NEB: variants seen among roughly 807,000 people sequenced by gnomAD.
NEB encodes nebulin.
A neutral mutation model predicts 952.2 loss-of-function variants in NEB; 512 were observed. The ratio of observed to expected loss-of-function variants is 0.54; its 90% CI spans 0.50 to 0.58. The LOEUF (loss-of-function observed/expected upper bound fraction) is 0.58, where lower values mean the gene tolerates loss of function less well. NEB is among the 20% of genes least tolerant of loss of function. The pLI is 0.00. For missense variants in NEB, 8,428 were observed against 9,231.1 expected (o/e 0.91, Z 3.56); for synonymous variants, 2,900 against 3,149.8 (o/e 0.92, Z 2.66).
chr2:151,639,759 C>T (rs2098824705), intron 62 of NEB, 98 bp downstream of exon 62: 4 of 1,066,938 alleles, frequency 3.7e-6, no homozygotes, highest in Admixed American at 4.9e-5. Flanking sequence ...AGATAGATGC[C>T]TTTTATTACT....
At chr2:151,490,667 A>T in intron 179 of NEB, 149 bp from the exon 180 acceptor site, 1 of 981,986 alleles carries the variant, frequency 1.0e-6, no homozygotes, top group Non-Finnish European at 1.5e-6. Context: ...AGTTATTCTG[A>T]TGTAGGTTTG....
At chr2:151,695,281 T>C (rs2099587831) in intron 18 of NEB, among the ~76,000 whole-genome samples, 2 of 152,150 alleles carry the variant, frequency 1.3e-5, no homozygotes, top group African/African-American at 4.8e-5. Context: ...AATATATGGC[T>C]AAAAGATCTA....
intron 54 of NEB, among the ~76,000 whole-genome samples, chr2:151,649,679 G>A (rs1261092896): frequency 1.3e-5 from 2 of 152,166 alleles, no homozygotes; most frequent in East Asian, 3.8e-4. Flanking sequence ...AGATACTGGT[G>A]TCAGAGCTGG....
At chr2:151,680,878 T>C (rs2099409225) in intron 29 of NEB, 50 bp from the exon 30 acceptor site, 1 of 1,360,916 alleles carries the variant, frequency 7.3e-7, no homozygotes, top group African/African-American at 1.4e-5. Context: ...CCACTGAAGA[T>C]TAATACGTCA....
Position 151,513,563 on chromosome 2 carries a change from C to T in NEB, c.23241+17G>A, listed in dbSNP as rs1264643479. The T allele has an allele frequency of 3.9e-6, 6 of 1,552,722 alleles. No individual in the cohort carries two copies. The highest frequency in any genetic ancestry group is 4.4e-6 in the Non-Finnish European group (5 of 1,135,194). On this transcript the variant is annotated intron_variant, in intron 160 of 181. Coordinates refer to ENST00000397345, the MANE Select transcript of NEB (RefSeq NM_001164508.2). The stretch of plus-strand genomic sequence containing the variant: ...AACTACTTTCCTGAAAGATTGACAT[C>T]GAATAGTAGCACTGACCTGACTGGC...
At chr2:151,675,417 T>C in intron 34 of NEB, 26 bp from the exon 35 acceptor site, 4 of 1,421,644 alleles carry the variant, frequency 2.8e-6, no homozygotes, top group Non-Finnish European at 2.9e-6. Context: ...TTTCACATAG[T>C]GCAAAAAGGA....
intron 53 of NEB, 42 bp from the exon 54 acceptor site, chr2:151,650,421 C>A: frequency 6.3e-7 from 1 of 1,582,456 alleles, no homozygotes; most frequent in African/African-American, 1.3e-5. Context: ...CCATTCTCAC[C>A]TGGACCCTTG....
chr2:151,509,640 G>A (rs1278832914), intron 161 of NEB, among the ~76,000 whole-genome samples: 1 of 151,626 alleles, frequency 6.6e-6, no homozygotes, highest in Non-Finnish European at 1.5e-5. Flanking sequence ...TTGGTTTTTT[G>A]TTTTTTGAGG....
chr2:151,704,704 C>G (rs1422981630), intron 13 of NEB, among the ~76,000 whole-genome samples: 4 of 152,236 alleles, frequency 2.6e-5, no homozygotes, highest in Non-Finnish European at 5.9e-5. Flanking sequence ...GGCAATGCCT[C>G]GCCCTGCTTC....
In NEB at chr2:151,491,675, T is replaced by C. The variant is rs1293280918; in HGVS notation, c.25150+8A>G. ...GTTTATGTTGTAAGCCTTTTTCAGC[T>C]AACACACCATTAATCATGTGTAAGC... On this transcript the variant is annotated splice_region_variant and intron_variant, in intron 179 of 181. Transcript: ENST00000397345. 2 of 1,574,022 alleles carry C rather than the reference T, an allele frequency of 1.3e-6. No individual in the cohort carries two copies. The highest frequency in any genetic ancestry group is 1.7e-6 in the Non-Finnish European group (2 of 1,155,844).
At chr2:151,630,892 T>C in intron 66 of NEB, 73 bp from the exon 67 acceptor site, 3 of 1,356,784 alleles carry the variant, frequency 2.2e-6, no homozygotes, top group Non-Finnish European at 3.0e-6. Flanking sequence ...TTAAAACTGT[T>C]ATTACTGACC....
At chr2:151,531,671 C>G (rs2091115648) in intron 144 of NEB, 121 bp downstream of exon 144, 1 of 757,880 alleles carries the variant, frequency 1.3e-6, no homozygotes, top group Non-Finnish European at 2.3e-6. Context: ...CATCTCGCAC[C>G]CCTGCCTCCC....
At chr2:151,536,879 G>C (rs2153543003) in intron 141 of NEB, among the ~76,000 whole-genome samples, 1 of 152,182 alleles carries the variant, frequency 6.6e-6, no homozygotes, top group African/African-American at 2.4e-5. Context: ...ATATTAATAA[G>C]GAGAGAGTTC....
intron 163 of NEB, 48 bp downstream of exon 163, chr2:151,506,861 G>C: frequency 8.2e-7 from 1 of 1,212,952 alleles, no homozygotes; most frequent in Non-Finnish European, 1.2e-6. Context: ...AAAGAGGAGA[G>C]TGAAATGACT....
rs1291395662 is a variant in NEB at position 151,553,032 on chromosome 2, T to C, written c.19732-256A>G. On this transcript the variant is annotated intron_variant, in intron 127 of 181. Coordinates refer to ENST00000397345, the MANE Select transcript of NEB (RefSeq NM_001164508.2). ...TTACTGAAATCCTCATTACAGTATT[T>C]AATTTGCGTGGAAAATCCTCTCTTT... Among the ~76,000 whole-genome samples, 4 of 152,234 alleles carry C rather than the reference T, an allele frequency of 2.6e-5. No homozygotes were observed. The East Asian group carries it at 7.7e-4, about 29-fold the overall frequency.
intron 52 of NEB, 60 bp from the exon 53 acceptor site, chr2:151,650,945 C>CT (rs763938875): frequency 1.9e-5 from 27 of 1,424,698 alleles, no homozygotes; most frequent in South Asian, 2.9e-5. Flanking sequence ...GCTCAACTTG[C>CT]TTTTTTTTCT....
intron 35 of NEB, 110 bp from the exon 36 acceptor site, chr2:151,674,694 C>T (rs1158152858): frequency 2.6e-6 from 2 of 762,680 alleles, no homozygotes; most frequent in East Asian, 2.6e-5. Context: ...ATAGCACATA[C>T]TGCTTTAGGA....
At chr2:151,493,649 G>A in intron 175 of NEB, 126 bp downstream of exon 175, 1 of 859,178 alleles carries the variant, frequency 1.2e-6, no homozygotes, top group South Asian at 2.0e-5. Context: ...TTGTTTTTAA[G>A]TGGACAAGGA....
chr2:151,525,019 T>G (rs2084843811), intron 151 of NEB, 144 bp downstream of exon 151: 1 of 702,852 alleles, frequency 1.4e-6, no homozygotes. Context: ...CTTTTTTCCT[T>G]AAACCCAAAC....
Sources: gnomAD v4.1 joint callset for allele counts (sites outside exome capture counted in the v4.1 genomes callset) on GRCh38, gnomAD v4.1.1 for gene constraint, MANE v1.5 for transcripts, NCBI Gene and HGNC (gene_info 2026-07-23, HGNC 2026-07-21) for gene names.